Variants in MBNL1 observed in about 807,000 individuals in gnomAD.
MBNL1 encodes muscleblind-like protein 1.
In MBNL1, 8 loss-of-function variants were observed where a neutral mutation model predicts 42.2. The observed-to-expected ratio is 0.19, with a 90% CI of 0.11 to 0.34. MBNL1 has a LOEUF of 0.34. MBNL1 is among the 10% of genes least tolerant of loss of function. MBNL1 has a pLI of 1.00. For synonymous variants in MBNL1, 169 were observed against 173.9 expected, an observed-to-expected ratio of 0.97 and a Z score of 0.22; for missense variants, 309 against 495.3, an observed-to-expected ratio of 0.62 and a Z score of 3.57.
intron 4 of MBNL1, among the ~76,000 whole-genome samples, chr3:152,439,031 A>G (rs1464727188): frequency 6.6e-6 from 1 of 152,186 alleles, no homozygotes; most frequent in Admixed American, 6.5e-5. Context: ...AAGCATGAGT[A>G]TTCCAGGAAA....
chr3:152,268,618 C>CA (rs1210034214), upstream of MBNL1: 4 of 397,970 alleles, frequency 1.0e-5, no homozygotes, highest in East Asian at 2.2e-4. Context: ...TGGAAGATAC[C>CA]AACGGGAGGC....
intron 2 of MBNL1, among the ~76,000 whole-genome samples, chr3:152,322,728 C>G (rs1438745626): frequency 1.3e-5 from 2 of 151,866 alleles, no homozygotes; most frequent in Admixed American, 6.6e-5. Context: ...TAACATTTTT[C>G]TGGCATTTTT....
intron 2 of MBNL1, among the ~76,000 whole-genome samples, chr3:152,260,870 C>A (rs1313228507): frequency 1.3e-5 from 2 of 152,196 alleles, no homozygotes; most frequent in African/African-American, 4.8e-5. Context: ...CCACCTTGCA[C>A]CACCAGTTTA....
chr3:152,385,871 G>C (rs2097393158), intron 2 of MBNL1, among the ~76,000 whole-genome samples: 1 of 152,026 alleles, frequency 6.6e-6, no homozygotes, highest in Non-Finnish European at 1.5e-5. Flanking sequence ...AAAAGTGATA[G>C]AGTAGTTCAC....
intron 2 of MBNL1, among the ~76,000 whole-genome samples, chr3:152,412,549 A>C (rs1401671785): frequency 6.6e-5 from 10 of 152,242 alleles, no homozygotes; most frequent in African/African-American, 2.4e-4. Flanking sequence ...TAGATAAAAA[A>C]TGTAGGAGAA....
intron 4 of MBNL1, among the ~76,000 whole-genome samples, chr3:152,434,047 T>C (rs1300784328): frequency 6.6e-6 from 1 of 152,200 alleles, no homozygotes; most frequent in Non-Finnish European, 1.5e-5. Context: ...TGAGGCAATA[T>C]ATTTTTTTAA....
At chr3:152,328,799 A>AT (rs1451912730) in intron 2 of MBNL1, among the ~76,000 whole-genome samples, 4 of 152,140 alleles carry the variant, frequency 2.6e-5, no homozygotes, top group African/African-American at 4.8e-5. Context: ...CAACATATGG[A>AT]TTTTTTTAAA....
Position 152,327,848 on chromosome 3 carries a change from T to C in MBNL1, c.174+27481T>C, listed in dbSNP as rs574836965. Among the ~76,000 whole-genome samples, 7 of 152,064 alleles carry C rather than the reference T, an allele frequency of 4.6e-5. No individual in the cohort carries two copies. In the South Asian group the frequency reaches 1.4e-3, roughly 31 times the overall value. On this transcript the variant is annotated intron_variant, in intron 2 of 9. Transcript: ENST00000324210. ...TTATAGCTTTCTTTGGAGTTCTTGG[T>C]CTTAGTGTCTAAAATAGTGGCCATA...
At chr3:152,444,258 T>C (rs10513426) in intron 4 of MBNL1, among the ~76,000 whole-genome samples, 7,882 of 152,280 alleles carry the variant, frequency 0.052, 320 homozygotes, top group Non-Finnish European at 0.081. Flanking sequence ...GTATCCTGAA[T>C]GAAGACTGCT....
chr3:152,258,328 T>C (rs1462487679), intron 2 of MBNL1, among the ~76,000 whole-genome samples: 1 of 152,210 alleles, frequency 6.6e-6, no homozygotes, highest in African/African-American at 2.4e-5. Context: ...AAGGTAGACA[T>C]TTTAAGTTTG....
chr3:152,388,019 C>A (rs1025568), intron 2 of MBNL1, among the ~76,000 whole-genome samples: 4,003 of 152,204 alleles, frequency 0.026, 92 homozygotes, highest in Non-Finnish European at 0.042. Flanking sequence ...TAAAATAATC[C>A]GTTCTCAGAA....
At chr3:152,435,659 C>G (rs1414996505) in intron 4 of MBNL1, among the ~76,000 whole-genome samples, 2 of 152,060 alleles carry the variant, frequency 1.3e-5, no homozygotes, top group African/African-American at 2.4e-5. Flanking sequence ...GTTACTGATT[C>G]TTCCTATCCA....
chr3:152,272,039 TTC>T (rs139763690), intron 1 of MBNL1, among the ~76,000 whole-genome samples: 42,981 of 147,492 alleles, frequency 0.29, 6,147 homozygotes, highest in African/African-American at 0.33. Flanking sequence ...CCTGTTTCTT[TTC>T]TCTCTCTCTC....
intron 2 of MBNL1, among the ~76,000 whole-genome samples, chr3:152,331,240 A>T (rs955792396): frequency 2.0e-5 from 3 of 152,006 alleles, no homozygotes; most frequent in Non-Finnish European, 4.4e-5. Flanking sequence ...GGCATAACTG[A>T]ATAGGAAATG....
At chr3:152,432,969 A>T in intron 4 of MBNL1, 49 bp downstream of exon 4, 1 of 1,527,096 alleles carries the variant, frequency 6.5e-7, no homozygotes, top group South Asian at 1.2e-5. Context: ...TAATTCTCAA[A>T]GTGTGGTTTT....
intron 2 of MBNL1, among the ~76,000 whole-genome samples, chr3:152,247,673 T>C (rs930701222): frequency 6.6e-6 from 1 of 152,028 alleles, no homozygotes; most frequent in Non-Finnish European, 1.5e-5. Context: ...TTTTTATCAT[T>C]TTTTATTAAC....
At chr3:152,421,501 G>A (rs781330686) in intron 3 of MBNL1, among the ~76,000 whole-genome samples, 1 of 152,184 alleles carries the variant, frequency 6.6e-6, no homozygotes, top group Non-Finnish European at 1.5e-5. Context: ...TATTACTGAG[G>A]CTTGAAGAGG....
intron 2 of MBNL1, among the ~76,000 whole-genome samples, chr3:152,413,542 TATGA>T (rs2098638080): frequency 6.6e-6 from 1 of 152,208 alleles, no homozygotes; most frequent in South Asian, 2.1e-4. Context: ...AGCAGTATCC[TATGA>T]TTCTAGCCTA....
intron 2 of MBNL1, among the ~76,000 whole-genome samples, chr3:152,392,445 T>A (rs756434730): frequency 1.5e-4 from 23 of 152,168 alleles, no homozygotes; most frequent in Non-Finnish European, 2.6e-4. Flanking sequence ...TTTTAAAAAC[T>A]CAAAAAATGA....
Sources: gnomAD v4.1 joint callset for allele counts (sites outside exome capture counted in the v4.1 genomes callset) on GRCh38, gnomAD v4.1.1 for gene constraint, MANE v1.5 for transcripts, NCBI Gene and HGNC (gene_info 2026-07-23, HGNC 2026-07-21) for gene names.